The following MAD1L1 variants were observed in gnomAD, a reference collection of about 807,000 sequenced individuals.
MAD1L1 encodes mitotic arrest deficient 1 like 1.
A neutral mutation model predicts 96.9 loss-of-function variants in MAD1L1; 95 were observed. The ratio of observed to expected loss-of-function variants is 0.98; its 90% CI spans 0.83 to 1.16. MAD1L1 has a LOEUF of 1.16. MAD1L1 is among the 50% of genes most tolerant of loss of function. The pLI is 0.00. For missense variants in MAD1L1, 1,007 were observed against 954.4 expected (o/e 1.06, Z -0.73); for synonymous variants, 473 against 396.6 (o/e 1.19, Z -2.29).
intron 12 of MAD1L1, among the ~76,000 whole-genome samples, chr7:2,020,776 T>A (rs74814758): frequency 6.8e-6 from 1 of 147,954 alleles, no homozygotes; most frequent in Admixed American, 6.7e-5. Context: ...TTTTTTTTTT[T>A]AAGACAAGGT....
chr7:1,898,859 C>T (rs1787063040), intron 17 of MAD1L1, among the ~76,000 whole-genome samples: 1 of 152,198 alleles, frequency 6.6e-6, no homozygotes, highest in Admixed American at 6.5e-5. Context: ...GGTCCCAAAG[C>T]GAAGGCCTGG....
At chr7:1,838,496 T>C (rs1282856005) in intron 18 of MAD1L1, 2 of 319,264 alleles carry the variant, frequency 6.3e-6, no homozygotes, top group African/African-American at 4.3e-5. Context: ...GTATGATTCA[T>C]CAGTAACAAA....
At chr7:2,134,459 T>C (rs1217359742) in intron 11 of MAD1L1, among the ~76,000 whole-genome samples, 1 of 152,196 alleles carries the variant, frequency 6.6e-6, no homozygotes, top group Non-Finnish European at 1.5e-5. Context: ...CCTTCCTTTA[T>C]TCCCTCTTCT....
chr7:2,215,397 C>G (rs1314322864), intron 9 of MAD1L1, among the ~76,000 whole-genome samples: 1 of 149,032 alleles, frequency 6.7e-6, no homozygotes, highest in East Asian at 2.0e-4. Flanking sequence ...AAAAAAAAAG[C>G]CCACAAATGT....
At chr7:1,950,670 C>A (rs976630398) in intron 16 of MAD1L1, among the ~76,000 whole-genome samples, 52 of 152,372 alleles carry the variant, frequency 3.4e-4, no homozygotes, top group Admixed American at 7.2e-4. Flanking sequence ...CTCCCCTGCA[C>A]CCAGGCCCTT....
chr7:2,153,675 CAT>C (rs1036382557), intron 10 of MAD1L1, among the ~76,000 whole-genome samples: 1 of 152,218 alleles, frequency 6.6e-6, no homozygotes, highest in African/African-American at 2.4e-5. Context: ...AACACCACCA[CAT>C]GATCCAGCAA....
chr7:2,063,176 C>T (rs537452525), intron 12 of MAD1L1, among the ~76,000 whole-genome samples: 9 of 152,236 alleles, frequency 5.9e-5, no homozygotes, highest in Non-Finnish European at 1.2e-4. Context: ...TCTATATGAT[C>T]TTTGCACACG....
intron 18 of MAD1L1, among the ~76,000 whole-genome samples, chr7:1,835,439 T>C (rs1782896055): frequency 6.6e-6 from 1 of 152,214 alleles, no homozygotes; most frequent in Non-Finnish European, 1.5e-5. Flanking sequence ...AAGAAGCTAC[T>C]GGAACTAACA....
intron 16 of MAD1L1, among the ~76,000 whole-genome samples, chr7:1,943,115 A>C (rs1480755092): frequency 6.6e-6 from 1 of 152,234 alleles, no homozygotes; most frequent in African/African-American, 2.4e-5. Flanking sequence ...CCATAAACAA[A>C]AACTAAGTAA....
intron 12 of MAD1L1, among the ~76,000 whole-genome samples, chr7:2,016,868 G>A (rs947054717): frequency 6.6e-6 from 1 of 152,274 alleles, no homozygotes; most frequent in East Asian, 1.9e-4. Flanking sequence ...TAATCTTATT[G>A]AAATCCTATA....
intron 11 of MAD1L1, among the ~76,000 whole-genome samples, chr7:2,100,405 C>A (rs1345265708): frequency 6.6e-6 from 1 of 152,242 alleles, no homozygotes; most frequent in African/African-American, 2.4e-5. Flanking sequence ...GAAGCACCTG[C>A]TTCCTGGAGG....
intron 12 of MAD1L1, among the ~76,000 whole-genome samples, chr7:2,029,448 G>C (rs1049705484): frequency 2.6e-5 from 4 of 152,202 alleles, no homozygotes; most frequent in African/African-American, 9.7e-5. Context: ...TGGTGACACC[G>C]TGTTCCCGAC....
At chr7:1,996,003 G>C (rs966268019) in intron 14 of MAD1L1, among the ~76,000 whole-genome samples, 1 of 152,344 alleles carries the variant, frequency 6.6e-6, no homozygotes, top group South Asian at 2.1e-4. Context: ...ACAGATTCCG[G>C]GCTGGGCACA....
intron 11 of MAD1L1, among the ~76,000 whole-genome samples, chr7:2,092,867 A>G (rs1786285971): frequency 6.6e-6 from 1 of 152,134 alleles, no homozygotes; most frequent in Non-Finnish European, 1.5e-5. Context: ...GTCCAACCCC[A>G]GGGCACACAG....
chr7:2,012,141 G>C (rs1464032554), intron 13 of MAD1L1, among the ~76,000 whole-genome samples: 2 of 152,242 alleles, frequency 1.3e-5, no homozygotes. Flanking sequence ...GGTGAGGGCT[G>C]AGGCTCCAAG....
intron 11 of MAD1L1, among the ~76,000 whole-genome samples, chr7:2,109,292 G>C (rs1232549876): frequency 6.6e-6 from 1 of 152,204 alleles, no homozygotes; most frequent in African/African-American, 2.4e-5. Context: ...GCCTTAAGCA[G>C]CCCATGAGAG....
chr7:1,945,930 C>T (rs946162276), intron 16 of MAD1L1, among the ~76,000 whole-genome samples: 5 of 152,158 alleles, frequency 3.3e-5, no homozygotes, highest in African/African-American at 7.2e-5. Context: ...GATCCTCCTA[C>T]GCAAAGACCC....
At chr7:1,832,630 T>TTTG (rs56664541) in intron 18 of MAD1L1, among the ~76,000 whole-genome samples, 117 of 2,330 alleles carry the variant, frequency 0.05, 3 homozygotes, top group Non-Finnish European at 0.076. Context: ...TTTTTTTTTT[T>TTTG]GGCGGGGGGG....
chr7:1,949,189 C>G (rs113852233), intron 16 of MAD1L1, among the ~76,000 whole-genome samples: 2 of 152,192 alleles, frequency 1.3e-5, no homozygotes, highest in African/African-American at 2.4e-5. Flanking sequence ...TGTGTGCACA[C>G]GCACTAGCTT....
Sources: gnomAD v4.1 joint callset for allele counts (sites outside exome capture counted in the v4.1 genomes callset) on GRCh38, gnomAD v4.1.1 for gene constraint, MANE v1.5 for transcripts, NCBI Gene and HGNC (gene_info 2026-07-23, HGNC 2026-07-21) for gene names.